NUPR2: variants seen among roughly 807,000 people sequenced by gnomAD.
NUPR2 encodes the protein nuclear protein 2.
NUPR2 carries 14 observed loss-of-function variants against 7.3 expected under a neutral mutation model. That is an observed-to-expected ratio of 1.93 (90% confidence interval 1.27 to 3.01). The LOEUF (loss-of-function observed/expected upper bound fraction) is 3.01, where lower values mean the gene tolerates loss of function less well. NUPR2 is among the 30% of genes most tolerant of loss of function. NUPR2 has a pLI of 0.00. For synonymous variants in NUPR2, 56 were observed against 59.7 expected, an observed-to-expected ratio of 0.94 and a Z score of 0.29; for missense variants, 162 against 143.7, an observed-to-expected ratio of 1.13 and a Z score of -0.65.
At position 56,116,223 on chromosome 7, in the gene NUPR2, C is replaced by G; in HGVS notation, c.92G>C (p.Cys31Ser). The change falls in exon 1 of 2, where the codon TGC becomes TCC. Residue 31 changes from cysteine to serine, a missense_variant. Physicochemically the swap from Cys to Ser is moderately radical, Grantham distance 112. Transcript: ENST00000329309. ...PISYEEELYD[C>S]LDYYYLRDFP... ...GTCGCGCAGGTAGTAGTAGTCCAGG[C>G]AGTCGTAAAGCTCCTCCTCGTAGCT... 2.6e-6 allele frequency: 4 copies of G among 1,547,650 alleles called. No homozygotes were observed. The South Asian group carries it at 4.8e-5, about 18-fold the overall frequency.
rs1562892265 is a variant in NUPR2, at chr7:56,116,273, AGCCTGCAGACGTGGAAGCGCCC to A, written c.20_41del (p.Arg7LeufsTer9). 10 of 1,525,736 alleles carry A rather than the reference AGCCTGCAGACGTGGAAGCGCCC, an allele frequency of 6.6e-6. No homozygotes were observed. The South Asian group carries it at 1.2e-4, about 19-fold the overall frequency. 94.5% of individuals were successfully genotyped at this position (1,525,736 alleles called of 1,614,324 possible). A position where few individuals can be genotyped will look rare whatever the true frequency, so the allele number is the denominator to read the frequency against. On this transcript the variant is annotated frameshift_variant, in exon 1 of 2. Transcript: ENST00000329309. LOFTEE classifies it high-confidence loss of function. ...TTATGGGTGGCGGCGGCCGAGCCAG[AGCCTGCAGACGTGGAAGCGCCC>A]GCTCTGCGGGCGCTTCCATCCTGCC...
At chr7:56,115,661 G>A (rs1785538027) in intron 1 of NUPR2, among the ~76,000 whole-genome samples, 1 of 127,212 alleles carries the variant, frequency 7.9e-6, no homozygotes, top group South Asian at 2.4e-4. Flanking sequence ...TAGTAGAGAC[G>A]GGGTTTCACC....
chr7:56,116,044 T>C lies in NUPR2; in HGVS notation c.271A>G (p.Lys91Glu). ...GCTCAGGTGAGGCGAGTGCGCATCT[T>C]GGGATGCAGCTGGCGCTGGCGGCGC... is the stretch of plus-strand genomic sequence containing the variant. Reference protein sequence around the residue: ...RKRRQRQLHPKMRTRLT With the variant: ...RKRRQRQLHPEMRTRLT The change falls in exon 1 of 2, where the codon AAG (lysine) becomes GAG (glutamate). Residue 91 changes from lysine to glutamate, a missense_variant. Physicochemically the swap from Lys to Glu is moderately conservative, Grantham distance 56 (BLOSUM62 1). Transcript: ENST00000329309. 6.7e-7 allele frequency: 1 copy of C among 1,491,564 alleles called. No homozygotes were observed. The highest frequency in any genetic ancestry group is 8.9e-7 in the Non-Finnish European group (1 of 1,123,296). 92.4% of individuals were successfully genotyped at this position (1,491,564 alleles called of 1,614,324 possible).
chr7:56,115,585 A>T (rs1785534368), intron 1 of NUPR2, among the ~76,000 whole-genome samples: 1 of 137,874 alleles, frequency 7.3e-6, no homozygotes, highest in Middle Eastern at 3.6e-3. Flanking sequence ...CCTCCCAAGT[A>T]GCTGGGACTA....
At chr7:56,115,648 T>TATATATATATA (rs1562892028) in intron 1 of NUPR2, among the ~76,000 whole-genome samples, 12 of 128,336 alleles carry the variant, frequency 9.4e-5, no homozygotes, top group East Asian at 5.0e-4. Flanking sequence ...TATATATATA[T>TATATATATATA]TTTAGTAGAG....
intron 1 of NUPR2, 67 bp downstream of exon 1, chr7:56,115,948 C>T (rs1474292983): frequency 2.3e-6 from 3 of 1,331,112 alleles, no homozygotes; most frequent in Non-Finnish European, 2.9e-6. Flanking sequence ...CGAGCAGCGC[C>T]GCGCCGTGGG....
At chr7:56,115,428 TTTGTG>T (rs1785528914) in intron 1 of NUPR2, among the ~76,000 whole-genome samples, 45 of 45,912 alleles carry the variant, frequency 9.8e-4, no homozygotes, top group Admixed American at 1.4e-3. Flanking sequence ...TATATATATA[TTTGTG>T]TGTGTGTGTG....
In NUPR2 at chr7:56,116,104, T is replaced by C; in HGVS notation, c.211A>G (p.Lys71Glu). 6.5e-7 allele frequency: 1 copy of C among 1,540,082 alleles called. No individual in the cohort carries two copies. The highest frequency in any genetic ancestry group is 1.2e-5 in the South Asian group (1 of 83,170). Residue 71 changes from lysine to glutamate, a missense_variant, in exon 1 of 2, where the codon AAG (lysine) becomes GAG (glutamate). By Grantham distance (56) the Lys-to-Glu change is moderately conservative (BLOSUM62 1). Coordinates refer to ENST00000329309, the MANE Select transcript of NUPR2 (RefSeq NM_001145712.2). The stretch of plus-strand genomic sequence containing the variant: ...CCATTGAGGAGCTTCTGCGCGACCT[T>C]GCGCTCGTGCCCGCCAGGTGCAGGC... ...NWPAPGGHER[K>E]VAQKLLNGQR...
chr7:56,115,417 A>ATATATACATATATATATATG, intron 1 of NUPR2, among the ~76,000 whole-genome samples: 1 of 21,358 alleles, frequency 4.7e-5, no homozygotes, highest in East Asian at 2.9e-3. Context: ...ATATATATAT[A>ATATATACATATATATATATG]TATATATATA....
intron 1 of NUPR2, among the ~76,000 whole-genome samples, chr7:56,115,419 A>ACATATGTATATATATATATATATATACG (rs1785525865): frequency 6.7e-5 from 1 of 14,866 alleles, no homozygotes; most frequent in African/African-American, 7.1e-4. Flanking sequence ...ATATATATAT[A>ACATATGTATATATATATATATATATACG]TATATATATT....
At position 56,116,390 on chromosome 7, in the gene NUPR2, C is replaced by G; in HGVS notation, c.-76G>C. The stretch of plus-strand genomic sequence containing the variant: ...CCTGGAAGACCCAGCAGCCCCGCCT[C>G]GAGTTCCGATGGGCTCCGCGTGAAG... On this transcript the variant is annotated 5_prime_UTR_variant, in exon 1 of 2. Coordinates refer to ENST00000329309, the MANE Select transcript of NUPR2 (RefSeq NM_001145712.2). 1 of 874,118 alleles carries G rather than the reference C, an allele frequency of 1.1e-6. No individual in the cohort carries two copies. The highest frequency in any genetic ancestry group is 1.6e-6 in the Non-Finnish European group (1 of 624,276). 54.1% of individuals were successfully genotyped at this position (874,118 alleles called of 1,614,324 possible).
At position 56,115,437 on chromosome 7, in the gene NUPR2, G is replaced by GTATATATATATA. The variant is rs1320810978; in HGVS notation, c.*7-541_*7-540insTATATATATATA. 8.2e-4 allele frequency among the ~76,000 whole-genome samples: 12 copies of GTATATATATATA among 14,602 alleles called. 1 individual carries two copies. The highest frequency in any genetic ancestry group is 7.5e-3 in the East Asian group (3 of 400). 9.6% of individuals were successfully genotyped at this position (14,602 alleles called of 152,430 possible). The stretch of plus-strand genomic sequence containing the variant: ...TATATATATATATATATTTGTGTGT[G>GTATATATATATA]TGTGTGTGTGTGTGTGTGTGTGTGT... On this transcript the variant is annotated intron_variant, in intron 1 of 1. Coordinates refer to ENST00000329309, the MANE Select transcript of NUPR2 (RefSeq NM_001145712.2).
At chr7:56,115,955 TG>T (rs1785542789) in intron 1 of NUPR2, 59 bp downstream of exon 1, 5 of 1,330,556 alleles carry the variant, frequency 3.8e-6, no homozygotes, top group African/African-American at 1.6e-5. Context: ...CGCCGCGCCG[TG>T]GGGGGACGCT....
rs1785546183 is a variant in NUPR2 at position 56,116,104 on chromosome 7, T to TG, written c.210dup (p.Lys71GlnfsTer42). 1.3e-6 allele frequency: 2 copies of TG among 1,539,964 alleles called. No individual in the cohort carries two copies. Among genetic ancestry groups the TG allele is most frequent in the Admixed American group, 4.0e-5 (2 of 50,460 alleles). On this transcript the variant is annotated frameshift_variant, in exon 1 of 2. Coordinates refer to ENST00000329309, the MANE Select transcript of NUPR2 (RefSeq NM_001145712.2). LOFTEE classifies it high-confidence loss of function. ...CCATTGAGGAGCTTCTGCGCGACCT[T>TG]GCGCTCGTGCCCGCCAGGTGCAGGC... is the stretch of plus-strand genomic sequence containing the variant.
Position 56,116,408 on chromosome 7 carries a change from G to A in NUPR2, c.-94C>T. 1.4e-6 allele frequency: 1 copy of A among 692,812 alleles called. No homozygotes were observed. Among genetic ancestry groups the A allele is most frequent in the South Asian group, 3.1e-5 (1 of 32,688 alleles). The allele number at this position is 692,812 out of a possible 1,614,324, so 42.9% of individuals were successfully genotyped here. On this transcript the variant is annotated 5_prime_UTR_variant, in exon 1 of 2. Coordinates refer to ENST00000329309, the MANE Select transcript of NUPR2 (RefSeq NM_001145712.2). The stretch of plus-strand genomic sequence containing the variant: ...CCCGCCTCGAGTTCCGATGGGCTCC[G>A]CGTGAAGGTGGGGGTGCCTTCGGCG...
chr7:56,116,251 T>C lies in NUPR2; in HGVS notation c.64A>G (p.Ile22Val), dbSNP rs1180578792. The change falls in exon 1 of 2, where the codon ATA (isoleucine) becomes GTA (valine). Residue 22 changes from isoleucine to valine, a missense_variant. Physicochemically the swap from Ile to Val is conservative, Grantham distance 29. Coordinates refer to ENST00000329309, the MANE Select transcript of NUPR2 (RefSeq NM_001145712.2). ...LQALARPPPP[I>V]SYEEELYDCL... ...TCGTAAAGCTCCTCCTCGTAGCTTA[T>C]GGGTGGCGGCGGCCGAGCCAGAGCC... 1.2e-5 allele frequency: 18 copies of C among 1,528,836 alleles called. No individual in the cohort carries two copies. In the Admixed American group the frequency reaches 1.2e-4, roughly 10 times the overall value. The allele number at this position is 1,528,836 out of a possible 1,614,324, so 94.7% of individuals were successfully genotyped here.
Position 56,115,417 on chromosome 7 carries a change from A to ACACATG in NUPR2, c.*7-521_*7-520insCATGTG, listed in dbSNP as rs1562891787. 2.0e-3 allele frequency among the ~76,000 whole-genome samples: 42 copies of ACACATG among 21,366 alleles called. 1 individual carries two copies. Among genetic ancestry groups the ACACATG allele is most frequent in the South Asian group, 3.5e-3 (2 of 564 alleles). 14.0% of individuals were successfully genotyped at this position (21,366 alleles called of 152,430 possible). Reference sequence around the variant, plus strand: ...CGCATATATATATATATATATATATATATATATATATTTGTGTGTGTGTGT... The same window carrying ACACATG: ...CGCATATATATATATATATATATATACACATGTATATATATATTTGTGTGTGTGTGT... On this transcript the variant is annotated intron_variant, in intron 1 of 1. Coordinates refer to ENST00000329309, the MANE Select transcript of NUPR2 (RefSeq NM_001145712.2).
intron 1 of NUPR2, among the ~76,000 whole-genome samples, 161 bp from the exon 2 acceptor site, chr7:56,115,058 C>T (rs955456316): frequency 6.6e-6 from 1 of 152,024 alleles, no homozygotes; most frequent in African/African-American, 2.4e-5. Flanking sequence ...GCCTTAGCCA[C>T]GCAAGTAGCG....
chr7:56,115,439 G>GTATATATATATA (rs1562891898), intron 1 of NUPR2, among the ~76,000 whole-genome samples: 1 of 34,950 alleles, frequency 2.9e-5, no homozygotes, highest in Non-Finnish European at 4.9e-5. Flanking sequence ...TTGTGTGTGT[G>GTATATATATATA]TGTGTGTGTG....
Sources: gnomAD v4.1 joint callset for allele counts (sites outside exome capture counted in the v4.1 genomes callset) on GRCh38, gnomAD v4.1.1 for gene constraint, MANE v1.5 for transcripts, NCBI Gene and HGNC (gene_info 2026-07-23, HGNC 2026-07-21) for gene names.